Variants in CDH13 observed in about 807,000 individuals in gnomAD.
The protein encoded by CDH13 is cadherin-13.
In CDH13, 24 loss-of-function variants were observed where a neutral mutation model predicts 63.8. That is an observed-to-expected ratio of 0.38 (90% CI 0.27 to 0.53). CDH13 has a LOEUF of 0.53. Ranked by LOEUF, CDH13 falls within the 20% of genes least tolerant of loss-of-function variation. CDH13 has a pLI of 0.85. For missense variants in CDH13, 1,049 were observed against 903.1 expected (o/e 1.16, Z -2.07); for synonymous variants, 503 against 355.3 (o/e 1.42, Z -4.67).
chr16:82,819,334 A>G (rs2037883983), intron 1 of CDH13, among the ~76,000 whole-genome samples: 1 of 152,230 alleles, frequency 6.6e-6, no homozygotes, highest in Admixed American at 6.5e-5. Flanking sequence ...AGCCAGGGAC[A>G]GTGACACAGA....
chr16:82,898,194 T>G (rs1382978729), intron 2 of CDH13, among the ~76,000 whole-genome samples: 2 of 152,234 alleles, frequency 1.3e-5, no homozygotes, highest in Non-Finnish European at 2.9e-5. Flanking sequence ...ATTCCACCCA[T>G]TTCTTTTTAT....
chr16:82,806,466 T>G (rs2037150231), intron 1 of CDH13, among the ~76,000 whole-genome samples: 2 of 152,244 alleles, frequency 1.3e-5, no homozygotes. Context: ...TTAAAGTTAA[T>G]TTTTGTTATT....
intron 7 of CDH13, 79 bp from the exon 8 acceptor site, chr16:83,602,375 A>G (rs1404000420): frequency 1.4e-6 from 2 of 1,447,452 alleles, no homozygotes; most frequent in Non-Finnish European, 1.9e-6. Context: ...AGACAGCTCC[A>G]GCAACACGCC....
chr16:82,649,102 C>T (rs1200400715), intron 1 of CDH13, among the ~76,000 whole-genome samples: 4 of 152,294 alleles, frequency 2.6e-5, no homozygotes, highest in South Asian at 4.1e-4. Flanking sequence ...AGTGAGCGCG[C>T]ACCGGCTTTC....
At chr16:82,743,461 C>T (rs1597454994) in intron 1 of CDH13, among the ~76,000 whole-genome samples, 1 of 152,182 alleles carries the variant, frequency 6.6e-6, no homozygotes, top group Non-Finnish European at 1.5e-5. Context: ...ACGATCCACT[C>T]ACCCACTTCA....
intron 2 of CDH13, among the ~76,000 whole-genome samples, chr16:82,908,574 G>A (rs903031935): frequency 6.6e-6 from 1 of 152,166 alleles, no homozygotes; most frequent in Non-Finnish European, 1.5e-5. Flanking sequence ...AAATAGTTCA[G>A]AAAAACAGAT....
At chr16:83,025,273 A>G (rs2151461764) in intron 2 of CDH13, among the ~76,000 whole-genome samples, 1 of 152,330 alleles carries the variant, frequency 6.6e-6, no homozygotes, top group Middle Eastern at 3.4e-3. Flanking sequence ...TAAAGAATAT[A>G]GGTGGTATAT....
At chr16:83,099,869 G>C (rs934965558) in intron 3 of CDH13, among the ~76,000 whole-genome samples, 11 of 152,210 alleles carry the variant, frequency 7.2e-5, no homozygotes, top group Admixed American at 3.9e-4. Context: ...GTGAGGAGGT[G>C]GTACTGTTAT....
chr16:82,781,732 G>A (rs1051218895), intron 1 of CDH13, among the ~76,000 whole-genome samples: 1 of 152,030 alleles, frequency 6.6e-6, no homozygotes, highest in Non-Finnish European at 1.5e-5. Context: ...ATCCATCCAC[G>A]TAACCACTCA....
intron 11 of CDH13, among the ~76,000 whole-genome samples, chr16:83,766,008 T>C (rs1267891224): frequency 5.3e-5 from 8 of 152,216 alleles, no homozygotes; most frequent in Non-Finnish European, 1.2e-4. Context: ...GTGTCCATGC[T>C]CAAGATTGCT....
At chr16:82,827,775 T>C (rs995849067) in intron 1 of CDH13, among the ~76,000 whole-genome samples, 1 of 152,182 alleles carries the variant, frequency 6.6e-6, no homozygotes, top group Non-Finnish European at 1.5e-5. Flanking sequence ...GTTGGGTTAT[T>C]TGAGCAGAAC....
intron 2 of CDH13, among the ~76,000 whole-genome samples, chr16:82,896,930 G>C (rs183240172): frequency 6.6e-6 from 1 of 151,668 alleles, no homozygotes; most frequent in Non-Finnish European, 1.5e-5. Flanking sequence ...ACAGGTGCCC[G>C]CCATCACGCC....
Position 83,680,621 on chromosome 16 carries a change from A to G in CDH13, c.1538+2160A>G, listed in dbSNP as rs186495309. On this transcript the variant is annotated intron_variant, in intron 10 of 13. Coordinates refer to ENST00000567109, the MANE Select transcript of CDH13 (RefSeq NM_001257.5). ...TCATCCTACCGCTGTGTGAGAGAAGAAGGAGGTCAGAGAAAGCAACCTAGA... is the reference window on the plus strand; with the variant it reads ...TCATCCTACCGCTGTGTGAGAGAAGGAGGAGGTCAGAGAAAGCAACCTAGA... Among the ~76,000 whole-genome samples the G allele has an allele frequency of 2.6e-5, 4 of 152,254 alleles. No homozygotes were observed. In the East Asian group the frequency reaches 7.7e-4, roughly 29 times the overall value.
At chr16:83,572,175 GGTGTGTGTGTGT>G (rs71148844) in intron 7 of CDH13, among the ~76,000 whole-genome samples, 15 of 145,586 alleles carry the variant, frequency 1.0e-4, no homozygotes, top group African/African-American at 2.3e-4. Context: ...ACTTTCCTGT[GGTGTGTGTGTGT>G]GTGTGTGTGT....
intron 10 of CDH13, chr16:83,726,256 G>A (rs1910369882): frequency 1.3e-5 from 2 of 152,176 alleles, no homozygotes; most frequent in South Asian, 4.1e-4. Context: ...TTTTTTAGAT[G>A]GGGAAACTGA....
intron 3 of CDH13, among the ~76,000 whole-genome samples, chr16:83,074,462 G>T (rs766257977): frequency 1.7e-4 from 26 of 152,102 alleles, no homozygotes; most frequent in Non-Finnish European, 1.6e-4. Context: ...AAACATTAGG[G>T]TGCATGTATC....
intron 2 of CDH13, among the ~76,000 whole-genome samples, chr16:82,912,990 G>A (rs1427161010): frequency 6.6e-5 from 10 of 151,276 alleles, no homozygotes; most frequent in Admixed American, 2.0e-4. Context: ...CTTTTTCAAC[G>A]TTTGTTGTCT....
intron 4 of CDH13, among the ~76,000 whole-genome samples, chr16:83,159,686 C>A (rs73604275): frequency 1.3e-5 from 2 of 152,104 alleles, no homozygotes; most frequent in Non-Finnish European, 2.9e-5. Flanking sequence ...CTCATTTGAA[C>A]GTACATGGCA....
At chr16:83,447,512 C>G (rs1284562167) in intron 6 of CDH13, among the ~76,000 whole-genome samples, 1 of 152,050 alleles carries the variant, frequency 6.6e-6, no homozygotes, top group Non-Finnish European at 1.5e-5. Flanking sequence ...GGATGTTGCC[C>G]TCACCCAAAG....
Sources: allele counts gnomAD v4.1 joint callset (sites outside exome capture counted in the v4.1 genomes callset), GRCh38; gene constraint gnomAD v4.1.1; transcripts MANE v1.5; gene names NCBI Gene and HGNC (gene_info 2026-07-23, HGNC 2026-07-21).